Variants in ASPDH observed in about 807,000 individuals in gnomAD.
ASPDH encodes the protein aspartate dehydrogenase domain containing.
In ASPDH, 25 loss-of-function variants were observed where a neutral mutation model predicts 30.5. That is an observed-to-expected ratio of 0.82 (90% CI 0.60 to 1.14). The LOEUF is 1.14. Ranked by LOEUF, ASPDH falls within the 50% of genes most tolerant of loss-of-function variation. The pLI is 0.00. For synonymous variants in ASPDH, 168 were observed against 156.3 expected (o/e 1.07, Z -0.56); for missense variants, 401 against 381.5 (o/e 1.05, Z -0.43).
upstream of ASPDH, chr19:50,514,397 C>G (rs573564023): frequency 6.3e-7 from 1 of 1,593,824 alleles, no homozygotes; most frequent in Non-Finnish European, 8.6e-7. Context: ...TCCCTAGCCC[C>G]GCTGCGCAGC....
chr19:50,513,965 G>A, upstream of ASPDH: 2 of 1,063,154 alleles, frequency 1.9e-6, no homozygotes, highest in South Asian at 1.7e-5. The surrounding 1 kb of genome is among the most constrained non-coding windows in gnomAD (Gnocchi z 4.9). Context: ...GGCCCAGCGT[G>A]GGGGCGTGGG....
upstream of ASPDH, chr19:50,514,723 C>T (rs1980156371): frequency 1.2e-5 from 17 of 1,444,506 alleles, no homozygotes; most frequent in Non-Finnish European, 1.5e-5. Flanking sequence ...CCACCTGGTA[C>T]CCGCTGCAGT....
In ASPDH at chr19:50,512,245, C is replaced by G; in HGVS notation, c.699G>C (p.Arg233=). The G allele has an allele frequency of 6.2e-7, 1 of 1,612,762 alleles. No individual in the cohort carries two copies. ...CAGCAAAGCTTCGGCCCGTGGGGCC[C>G]CGGGGTCCGCTCAGCTCTACATCCA... ...HVVDVELSGP[R]GPTGRSFAVH... is the part of the protein sequence containing the mutation. Residue 233 remains arginine (R), a synonymous_variant, in exon 6 of 7, where the codon CGG becomes CGC. Transcript: ENST00000389208.
Position 50,512,658 on chromosome 19 carries a change from C to T in ASPDH, c.432+3G>A. 1 of 1,535,338 alleles carries T rather than the reference C, an allele frequency of 6.5e-7. No individual in the cohort carries two copies. The highest frequency in any genetic ancestry group is 8.8e-7 in the Non-Finnish European group (1 of 1,140,508). The stretch of plus-strand genomic sequence containing the variant: ...GGTTCCTGGGGAGCCCAGCAGGCCT[C>T]ACCCGGAGGCCCCCAGCTGCATCCA... On this transcript the variant is annotated splice_donor_region_variant and intron_variant, in intron 4 of 6. Transcript: ENST00000389208.
chr19:50,511,642 G>C lies in ASPDH; in HGVS notation c.*88C>G. On this transcript the variant is annotated 3_prime_UTR_variant, in exon 7 of 7. Coordinates refer to ENST00000389208, the MANE Select transcript of ASPDH (RefSeq NM_001114598.2). ...GTGATCTTTACTGAGTCAGAAGGGAGACCCTGGGGAAGTGGGGCAGGGCAG... is the reference window on the plus strand; with the variant it reads ...GTGATCTTTACTGAGTCAGAAGGGACACCCTGGGGAAGTGGGGCAGGGCAG... The C allele has an allele frequency of 2.6e-6, 2 of 770,146 alleles. No homozygotes were observed. The highest frequency in any genetic ancestry group is 3.7e-6 in the Non-Finnish European group (2 of 538,756). 47.7% of individuals were successfully genotyped at this position (770,146 alleles called of 1,614,324 possible).
rs1187226644 is a variant in ASPDH, at chr19:50,513,617, G to C, written c.52+155C>G. 1.3e-5 allele frequency among the ~76,000 whole-genome samples: 2 copies of C among 152,086 alleles called. No individual in the cohort carries two copies. Among genetic ancestry groups the C allele is most frequent in the African/African-American group, 2.4e-5 (1 of 41,406 alleles). Reference sequence around the variant, plus strand: ...CAGAGAGAAGGGAGACAGAGACGGAGAGGACAGAGACCTGGGGTGGGGGTG... The same window carrying C: ...CAGAGAGAAGGGAGACAGAGACGGACAGGACAGAGACCTGGGGTGGGGGTG... On this transcript the variant is annotated intron_variant, in intron 1 of 6. Transcript: ENST00000389208. The surrounding 1 kb of genome is among the most constrained non-coding windows in gnomAD (Gnocchi z 4.9).
intron 6 of ASPDH, 177 bp from the exon 7 acceptor site, chr19:50,511,950 G>GGGACGCGGA: frequency 3.0e-6 from 2 of 665,098 alleles, no homozygotes; most frequent in Non-Finnish European, 4.9e-6. Flanking sequence ...TCAGAGGCGG[G>GGGACGCGGA]CACAAATGGA....
At position 50,513,020 on chromosome 19, in the gene ASPDH, G is replaced by C; in HGVS notation, c.198-9C>G. ...CAACCAGATCAGGGCGCCTGGGAGA[G>C]GGGAAAGAGGGCGGAGGGTCTTGGA... On this transcript the variant is annotated splice_polypyrimidine_tract_variant and intron_variant, in intron 2 of 6. Transcript: ENST00000389208. This position sits in a 1 kb window ranked among gnomAD's most constrained non-coding sequence, Gnocchi z 4.9. The C allele has an allele frequency of 6.2e-7, 1 of 1,609,094 alleles. No homozygotes were observed. Among genetic ancestry groups the C allele is most frequent in the Admixed American group, 1.7e-5 (1 of 59,684 alleles).
intron 5 of ASPDH, 21 bp downstream of exon 5, chr19:50,512,339 A>AC (rs754371704): frequency 6.2e-6 from 10 of 1,613,604 alleles, no homozygotes; most frequent in South Asian, 4.4e-5. Context: ...TCAGCCCAAC[A>AC]CCCTGCTTAG....
upstream of ASPDH, chr19:50,514,888 A>G: frequency 1.0e-6 from 1 of 984,968 alleles, no homozygotes; most frequent in Non-Finnish European, 1.2e-6. Flanking sequence ...GAGAGGGGCC[A>G]AGACCCCGAC....
chr19:50,512,461 G>A lies in ASPDH; in HGVS notation c.552C>T (p.Cys184=), dbSNP rs1461632642. The change falls in exon 5 of 7, where the codon TGC becomes TGT. Residue 184 remains cysteine (C), a synonymous_variant. Transcript: ENST00000389208. The part of the protein sequence containing the change: ...VLYEGPVRGL[C]PFAPRNSNTM... ...TGTTGGAATTTCGCGGGGCAAAGGGGCAGAGCCCACGGACAGGGCCTTCGT... is the reference window on the plus strand; with the variant it reads ...TGTTGGAATTTCGCGGGGCAAAGGGACAGAGCCCACGGACAGGGCCTTCGT... The A allele has an allele frequency of 6.2e-7, 1 of 1,603,894 alleles. No individual in the cohort carries two copies. Among genetic ancestry groups the A allele is most frequent in the Non-Finnish European group, 8.5e-7 (1 of 1,175,718 alleles).
chr19:50,511,942 A>G (rs1365298972), intron 6 of ASPDH, 169 bp from the exon 7 acceptor site: 1 of 307,366 alleles, frequency 3.3e-6, no homozygotes, highest in Non-Finnish European at 5.1e-6. Context: ...AGTCTCGATC[A>G]GAGGCGGGCA....
intron 6 of ASPDH, 139 bp from the exon 7 acceptor site, chr19:50,511,912 G>A: frequency 1.6e-6 from 1 of 620,488 alleles, no homozygotes; most frequent in Non-Finnish European, 2.5e-6. Flanking sequence ...AGAGCCCTGG[G>A]GGTGGACAGA....
chr19:50,512,301 A>C lies in ASPDH; in HGVS notation c.654-11T>G, dbSNP rs1742395438. 6.2e-7 allele frequency: 1 copy of C among 1,613,690 alleles called. No homozygotes were observed. The highest frequency in any genetic ancestry group is 1.3e-5 in the African/African-American group (1 of 74,928). ...TGCATGTCCGTGAGGCTGGGACAAG[A>C]GGGGCAGTCAGTCTGGAGAGCCTGG... is the stretch of plus-strand genomic sequence containing the variant. On this transcript the variant is annotated splice_polypyrimidine_tract_variant and intron_variant, in intron 5 of 6. Coordinates refer to ENST00000389208, the MANE Select transcript of ASPDH (RefSeq NM_001114598.2).
rs760273686 is a variant in ASPDH at position 50,512,542 on chromosome 19, G to A, written c.471C>T (p.Phe157=). ...RVTMATHPDG[F]RLEGPLAAAH... ...CTGCAGCCAGGGGTCCCTCAAGCCG[G>A]AAGCCATCGGGGTGTGTGGCCATGG... is the stretch of plus-strand genomic sequence containing the variant. Residue 157 remains phenylalanine (F), a synonymous_variant, in exon 5 of 7, where the codon TTC becomes TTT. Transcript: ENST00000389208. 5 of 1,536,300 alleles carry A rather than the reference G, an allele frequency of 3.3e-6. No individual in the cohort carries two copies. In the Admixed American group the frequency reaches 6.1e-5, roughly 19 times the overall value.
Position 50,513,438 on chromosome 19 carries a change from G to A in ASPDH, c.53-22C>T. 1 of 1,466,402 alleles carries A rather than the reference G, an allele frequency of 6.8e-7. No individual in the cohort carries two copies. Among genetic ancestry groups the A allele is most frequent in the South Asian group, 1.4e-5 (1 of 69,388 alleles). 90.8% of individuals were successfully genotyped at this position (1,466,402 alleles called of 1,614,324 possible). Reference sequence around the variant, plus strand: ...TGTCCTGGGGAGAGGGAAAGGAGAGGGCTAGAGATCCAGAGAGAGGGGGAC... The same window carrying A: ...TGTCCTGGGGAGAGGGAAAGGAGAGAGCTAGAGATCCAGAGAGAGGGGGAC... On this transcript the variant is annotated intron_variant, in intron 1 of 6. Transcript: ENST00000389208. The surrounding 1 kb of genome is among the most constrained non-coding windows in gnomAD (Gnocchi z 4.9).
chr19:50,512,263 T>C lies in ASPDH; in HGVS notation c.681A>G (p.Val227=), dbSNP rs765068547. 5.6e-5 allele frequency: 90 copies of C among 1,613,394 alleles called. No homozygotes were observed. Among genetic ancestry groups the C allele is most frequent in the Non-Finnish European group, 7.5e-5 (88 of 1,179,912 alleles). The change falls in exon 6 of 7, where the codon GTA becomes GTG. Residue 227 remains valine (V), a synonymous_variant. Coordinates refer to ENST00000389208, the MANE Select transcript of ASPDH (RefSeq NM_001114598.2). ...TGGGGCCCCGGGGTCCGCTCAGCTC[T>C]ACATCCACCACGTGCATGTCCGTGA... ...TSLTDMHVVD[V]ELSGPRGPTG...
chr19:50,513,521 C>T lies in ASPDH; in HGVS notation c.53-105G>A. 8.1e-7 allele frequency: 1 copy of T among 1,230,510 alleles called. No homozygotes were observed. 76.2% of individuals were successfully genotyped at this position (1,230,510 alleles called of 1,614,324 possible). On this transcript the variant is annotated intron_variant, in intron 1 of 6. Transcript: ENST00000389208. The surrounding 1 kb of genome is among the most constrained non-coding windows in gnomAD (Gnocchi z 4.9). ...GACCCAGAGAGAGAGGAGGTGGGGA[C>T]AGACTCAGATTGCGGGGTAGGGAGA...
chr19:50,513,989 AG>A, upstream of ASPDH: 1 of 780,544 alleles, frequency 1.3e-6, no homozygotes, highest in Non-Finnish European at 2.0e-6. This position sits in a 1 kb window ranked among gnomAD's most constrained non-coding sequence, Gnocchi z 4.9. Context: ...GCGGGAGTGG[AG>A]GCGGGAGAAC....
Sources: allele counts gnomAD v4.1 joint callset (sites outside exome capture counted in the v4.1 genomes callset), GRCh38; gene constraint gnomAD v4.1.1; non-coding constraint Gnocchi (gnomAD v3.1); transcripts MANE v1.5; gene names NCBI Gene and HGNC (gene_info 2026-07-23, HGNC 2026-07-21).